Variants in RNF144A observed in about 807,000 individuals in gnomAD.
RNF144A encodes the protein E3 ubiquitin-protein ligase RNF144A.
Under a neutral mutation model 38.7 loss-of-function variants are expected in RNF144A, and 11 were observed. The observed-to-expected ratio is 0.28, with a 90% CI of 0.18 to 0.47. The LOEUF (loss-of-function observed/expected upper bound fraction) is 0.47, where lower values mean the gene tolerates loss of function less well. Among genes scored for constraint, RNF144A ranks in the 20% least tolerant of loss-of-function variants. RNF144A has a pLI of 0.99. For missense variants in RNF144A, 316 were observed against 377.2 expected, an observed-to-expected ratio of 0.84 and a Z score of 1.34; for synonymous variants, 149 against 143.9, an observed-to-expected ratio of 1.04 and a Z score of -0.25.
chr2:6,926,639 C>T (rs140302610), intron 1 of RNF144A, among the ~76,000 whole-genome samples: 2,084 of 152,280 alleles, frequency 0.014, 13 homozygotes, highest in African/African-American at 0.018. Context: ...TCCTGGTTGT[C>T]TTTGTACCCC....
At chr2:6,946,782 C>T (rs754983571) in intron 2 of RNF144A, among the ~76,000 whole-genome samples, 8 of 151,898 alleles carry the variant, frequency 5.3e-5, no homozygotes, top group African/African-American at 1.9e-4. Flanking sequence ...CAAAGTGCCT[C>T]TAAGTGAAAA....
intron 2 of RNF144A, among the ~76,000 whole-genome samples, chr2:6,942,473 A>G (rs1004536665): frequency 6.6e-6 from 1 of 152,220 alleles, no homozygotes; most frequent in Non-Finnish European, 1.5e-5. Flanking sequence ...AGTGGGGCAC[A>G]CTCTGCAGAT....
At chr2:7,024,275 TGTGAA>T (rs1462071541) in intron 6 of RNF144A, 89 bp from the exon 7 acceptor site, 2 of 1,120,544 alleles carry the variant, frequency 1.8e-6, no homozygotes, top group Non-Finnish European at 2.4e-6. Flanking sequence ...AAACTCAGTC[TGTGAA>T]GTGGAGCCGA....
chr2:7,002,512 C>G (rs962777723), intron 3 of RNF144A, among the ~76,000 whole-genome samples: 4 of 152,104 alleles, frequency 2.6e-5, no homozygotes, highest in African/African-American at 9.7e-5. Context: ...GATAGAGCCA[C>G]CATGGTGGGA....
intron 2 of RNF144A, among the ~76,000 whole-genome samples, chr2:6,951,412 G>A (rs1252042803): frequency 1.3e-5 from 2 of 151,912 alleles, no homozygotes; most frequent in Non-Finnish European, 1.5e-5. Flanking sequence ...CCTCTTATTT[G>A]GTGGTGTTTG....
intron 1 of RNF144A, among the ~76,000 whole-genome samples, chr2:6,924,941 G>T (rs906727030): frequency 1.3e-5 from 2 of 152,230 alleles, no homozygotes; most frequent in Non-Finnish European, 2.9e-5. Flanking sequence ...TTTGGGAAGG[G>T]TGTGGGCTTC....
At chr2:6,924,016 C>G (rs1664708895) in intron 1 of RNF144A, among the ~76,000 whole-genome samples, 1 of 152,152 alleles carries the variant, frequency 6.6e-6, no homozygotes, top group Non-Finnish European at 1.5e-5. Flanking sequence ...AGAGGGAAGC[C>G]TGGAACAGAT....
In RNF144A at chr2:7,014,489, A is replaced by T; in HGVS notation, c.171A>T (p.Glu57Asp). ...AGTATGTTGAGCTCTTGATCAAAGA[A>T]GGATTAGAAACCGCAATTAGCTGCC... ...LKQYVELLIKEGLETAISCPD... is the reference protein window; with the variant it reads ...LKQYVELLIKDGLETAISCPD... Residue 57 changes from glutamate (E) to aspartate (D), a missense_variant, in exon 4 of 9, where the codon GAA (glutamate) becomes GAT (aspartate). Physicochemically the swap from Glu to Asp is conservative, Grantham distance 45. Coordinates refer to ENST00000320892, the MANE Select transcript of RNF144A (RefSeq NM_014746.6). 4 of 1,612,206 alleles carry T rather than the reference A, an allele frequency of 2.5e-6. No homozygotes were observed. The highest frequency in any genetic ancestry group is 1.7e-4 in the Middle Eastern group (1 of 6,046).
intron 2 of RNF144A, among the ~76,000 whole-genome samples, chr2:6,990,036 A>G (rs1409513601): frequency 6.6e-6 from 1 of 152,174 alleles, no homozygotes; most frequent in African/African-American, 2.4e-5. Context: ...ATGAATATAC[A>G]TTGATCAGCA....
chr2:6,960,261 G>C (rs1185251334), intron 2 of RNF144A, among the ~76,000 whole-genome samples: 1 of 152,200 alleles, frequency 6.6e-6, no homozygotes, highest in Non-Finnish European at 1.5e-5. Flanking sequence ...TGTGCCTTTG[G>C]CATGGAATCT....
At chr2:6,967,090 G>A (rs1667711754) in intron 2 of RNF144A, among the ~76,000 whole-genome samples, 1 of 152,136 alleles carries the variant, frequency 6.6e-6, no homozygotes, top group African/African-American at 2.4e-5. Context: ...CCATATGCCT[G>A]TATGATGTTC....
chr2:6,994,885 A>C (rs964058084), intron 2 of RNF144A, among the ~76,000 whole-genome samples: 5 of 152,008 alleles, frequency 3.3e-5, no homozygotes, highest in African/African-American at 1.2e-4. Context: ...GGCGGTCTTC[A>C]GTCACCCCCT....
intron 3 of RNF144A, among the ~76,000 whole-genome samples, chr2:7,008,553 G>A (rs909776442): frequency 5.3e-5 from 8 of 152,138 alleles, no homozygotes; most frequent in East Asian, 1.9e-4. Context: ...GAGCCCTGCC[G>A]CTCCACTCAG....
rs1671006550 is a variant in RNF144A at position 7,014,368 on chromosome 2, G to T, written c.136-86G>T. On this transcript the variant is annotated intron_variant, in intron 3 of 8. Transcript: ENST00000320892. ...ATATTAAACTGTAATGGAATGATGTGCCTGGTCCTTTTTTTAATGCATCAT... is the reference window on the plus strand; with the variant it reads ...ATATTAAACTGTAATGGAATGATGTTCCTGGTCCTTTTTTTAATGCATCAT... 2.9e-5 allele frequency: 25 copies of T among 875,662 alleles called. 2 individuals carry two copies. The South Asian group carries it at 3.0e-4, about 11-fold the overall frequency. The allele number at this position is 875,662 out of a possible 1,614,324, so 54.2% of individuals were successfully genotyped here. A position where few individuals can be genotyped will look rare whatever the true frequency, so the allele number is the denominator to read the frequency against.
rs1159133796 is a variant in RNF144A at position 6,944,351 on chromosome 2, G to A, written c.-12+3204G>A. 3.9e-5 allele frequency among the ~76,000 whole-genome samples: 6 copies of A among 152,068 alleles called. No individual in the cohort carries two copies. The highest frequency in any genetic ancestry group is 2.6e-4 in the Admixed American group (4 of 15,266). The stretch of plus-strand genomic sequence containing the variant: ...CGGCTTCTCAGTCATCCTGTCTCAC[G>A]TTTTCATGGTCCGTACTTTAAAAGG... On this transcript the variant is annotated intron_variant, in intron 2 of 8. Coordinates refer to ENST00000320892, the MANE Select transcript of RNF144A (RefSeq NM_014746.6). The surrounding 1 kb of genome is among the most constrained non-coding windows in gnomAD (Gnocchi z 4.7).
rs975993239 is a variant in RNF144A, at chr2:6,986,488, C to T, written c.-11-10428C>T. ...CAGAGGCCTGTTCCTAAGCCACCCT[C>T]AAGATCAGCAAGTACTGACCTGAAG... On this transcript the variant is annotated intron_variant, in intron 2 of 8. Coordinates refer to ENST00000320892, the MANE Select transcript of RNF144A (RefSeq NM_014746.6). 2.0e-5 allele frequency among the ~76,000 whole-genome samples: 3 copies of T among 152,158 alleles called. No homozygotes were observed. In the East Asian group the frequency reaches 5.8e-4, roughly 29 times the overall value.
intron 6 of RNF144A, among the ~76,000 whole-genome samples, chr2:7,023,475 G>A (rs1048837247): frequency 6.6e-6 from 1 of 152,058 alleles, no homozygotes; most frequent in Non-Finnish European, 1.5e-5. Flanking sequence ...GCTGATGTTT[G>A]TTTGATATAG....
At chr2:7,062,822 C>T (rs1674022472) in intron 6 of RNF144A, 1 of 152,192 alleles carries the variant, frequency 6.6e-6, no homozygotes, top group Non-Finnish European at 1.5e-5. Context: ...GGTTCCTCTG[C>T]ATGTTGGGAT....
Position 7,042,033 on chromosome 2 carries a change from G to A in RNF144A, c.*2273G>A. ...CCACAGAGATTCTGGGGCCAGCCAG[G>A]GGCAGTCAAATTGGCACCTACTGGC... On this transcript the variant is annotated 3_prime_UTR_variant, in exon 9 of 9. Coordinates refer to ENST00000320892, the MANE Select transcript of RNF144A (RefSeq NM_014746.6). 3 of 985,254 alleles carry A rather than the reference G, an allele frequency of 3.0e-6. No homozygotes were observed. Among genetic ancestry groups the A allele is most frequent in the Non-Finnish European group, 3.6e-6 (3 of 829,898 alleles). The allele number at this position is 985,254 out of a possible 1,614,324, so 61.0% of individuals were successfully genotyped here. A position where few individuals can be genotyped will look rare whatever the true frequency, so the allele number is the denominator to read the frequency against.
Sources: gnomAD v4.1 joint callset for allele counts (sites outside exome capture counted in the v4.1 genomes callset) on GRCh38, gnomAD v4.1.1 for gene constraint, Gnocchi (gnomAD v3.1) non-coding constraint, MANE v1.5 for transcripts, NCBI Gene and HGNC (gene_info 2026-07-23, HGNC 2026-07-21) for gene names.